The following SAMD12 variants were observed in gnomAD, a reference collection of about 807,000 sequenced individuals.
The protein encoded by SAMD12 is sterile alpha motif domain-containing protein 12.
Under a neutral mutation model 15.0 loss-of-function variants are expected in SAMD12, and 9 were observed. That is an observed-to-expected ratio of 0.60 (90% confidence interval 0.36 to 1.05). The LOEUF is 1.05. Ranked by LOEUF, SAMD12 falls within the 50% of genes least tolerant of loss-of-function variation. SAMD12 has a pLI of 0.01. For missense variants in SAMD12, 230 were observed against 234.2 expected, an observed-to-expected ratio of 0.98 and a Z score of 0.12; for synonymous variants, 86 against 90.1, an observed-to-expected ratio of 0.96 and a Z score of 0.25.
the SAMD12 span, among the ~76,000 whole-genome samples, chr8:118,155,362 T>G: frequency 6.6e-6 from 1 of 152,064 alleles, no homozygotes; most frequent in African/African-American, 2.4e-5. Context: ...ACAGTGTTTT[T>G]GGGGGGGTGG....
chr8:118,167,110 C>T, the SAMD12 span, among the ~76,000 whole-genome samples: 1 of 152,156 alleles, frequency 6.6e-6, no homozygotes, highest in Non-Finnish European at 1.5e-5. Context: ...CAAGGTGAAG[C>T]ATCTTGAACT....
rs1054736723 is a variant in SAMD12, at chr8:118,390,514, G to A, written c.323-10814C>T. On this transcript the variant is annotated intron_variant, in intron 3 of 3. Coordinates refer to ENST00000314727, the MANE Select transcript of SAMD12 (RefSeq NM_207506.3). Reference sequence around the variant, plus strand: ...CCTTCATTTTTCATAACCTAGAGATGCATTGCAAATCCAGCTTAAGTGACC... The same window carrying A: ...CCTTCATTTTTCATAACCTAGAGATACATTGCAAATCCAGCTTAAGTGACC... 3.0e-4 allele frequency among the ~76,000 whole-genome samples: 45 copies of A among 152,208 alleles called. No homozygotes were observed. The Middle Eastern group carries it at 0.01, about 35-fold the overall frequency.
intron 4 of SAMD12, among the ~76,000 whole-genome samples, chr8:118,257,889 C>A (rs1237790708): frequency 6.6e-6 from 1 of 152,072 alleles, no homozygotes; most frequent in South Asian, 2.1e-4. Flanking sequence ...ATGTACAGAG[C>A]CATTTTTAAA....
intron 1 of SAMD12, among the ~76,000 whole-genome samples, chr8:118,607,804 A>G (rs1217304283): frequency 6.6e-6 from 1 of 152,168 alleles, no homozygotes; most frequent in Non-Finnish European, 1.5e-5. Flanking sequence ...CAGCACCTAA[A>G]TCTTCCAGCA....
chr8:118,182,282 A>G, the SAMD12 span, among the ~76,000 whole-genome samples: 1 of 152,348 alleles, frequency 6.6e-6, no homozygotes, highest in Admixed American at 6.5e-5. Flanking sequence ...ATTCTTAGGT[A>G]TTGAAGGCAT....
intron 2 of SAMD12, among the ~76,000 whole-genome samples, chr8:118,534,856 C>G (rs1825793768): frequency 6.6e-6 from 1 of 152,094 alleles, no homozygotes. Context: ...ATGTTTTTTT[C>G]AAGATTTTTA....
At chr8:118,261,307 T>C (rs1300840344) in intron 4 of SAMD12, among the ~76,000 whole-genome samples, 1 of 152,146 alleles carries the variant, frequency 6.6e-6, no homozygotes, top group East Asian at 1.9e-4. Flanking sequence ...ATTCTTCTCC[T>C]GAATTCTTCA....
chr8:118,343,047 A>T (rs1817452971), intron 4 of SAMD12, among the ~76,000 whole-genome samples: 1 of 152,154 alleles, frequency 6.6e-6, no homozygotes, highest in Non-Finnish European at 1.5e-5. Flanking sequence ...GTGAGCTCAC[A>T]GAAGTCATTT....
chr8:118,529,311 C>G (rs1251205853), intron 2 of SAMD12, among the ~76,000 whole-genome samples: 3 of 152,194 alleles, frequency 2.0e-5, no homozygotes, highest in African/African-American at 7.2e-5. Context: ...TGGCCAGCAC[C>G]AGAAATGACT....
intron 2 of SAMD12, among the ~76,000 whole-genome samples, chr8:118,536,404 T>C (rs1825841762): frequency 6.6e-6 from 1 of 151,562 alleles, no homozygotes; most frequent in African/African-American, 2.4e-5. Flanking sequence ...CCTTTCACTT[T>C]ACTATCAGTT....
chr8:118,155,695 C>A, the SAMD12 span, among the ~76,000 whole-genome samples: 1 of 152,156 alleles, frequency 6.6e-6, no homozygotes, highest in Non-Finnish European at 1.5e-5. Context: ...GAGGAGGGTG[C>A]CTATGGCAAA....
chr8:118,558,632 C>T (rs1826614261), intron 2 of SAMD12, among the ~76,000 whole-genome samples: 1 of 152,102 alleles, frequency 6.6e-6, no homozygotes, highest in African/African-American at 2.4e-5. Context: ...GATCCTGGCT[C>T]ACGGCAAGCT....
intron 1 of SAMD12, among the ~76,000 whole-genome samples, chr8:118,607,360 C>T (rs927983371): frequency 6.6e-5 from 10 of 151,980 alleles, no homozygotes; most frequent in Non-Finnish European, 1.3e-4. Context: ...CCCAGCCTCC[C>T]GAGTAGCTGG....
rs5894422 is a variant in SAMD12, at chr8:118,295,041, C to CT, written c.433+84518dup. On this transcript the variant is annotated intron_variant, in intron 4 of 4. Transcript: ENST00000409003. ...CAGTTAGAAAGAAGAAAACAAACTT[C>CT]TTTTTTTTTTACGTGAAAATTGGGA... 4.0e-4 allele frequency among the ~76,000 whole-genome samples: 60 copies of CT among 148,732 alleles called. 1 individual carries two copies. The highest frequency in any genetic ancestry group is 2.4e-3 in the South Asian group (11 of 4,680).
intron 3 of SAMD12, among the ~76,000 whole-genome samples, chr8:118,425,938 T>C (rs4876831): frequency 0.55 from 83,747 of 151,524 alleles, 25,174 homozygotes; most frequent in Non-Finnish European, 0.66. Flanking sequence ...GCCATGTCAC[T>C]GAGCTTTGAA....
intron 2 of SAMD12, among the ~76,000 whole-genome samples, chr8:118,564,430 G>C (rs1449989055): frequency 1.3e-5 from 2 of 152,154 alleles, no homozygotes; most frequent in African/African-American, 2.4e-5. Flanking sequence ...GCATGCCCTA[G>C]AATGTCCTGA....
chr8:118,253,926 T>C (rs1450174570), intron 4 of SAMD12, among the ~76,000 whole-genome samples: 1 of 152,184 alleles, frequency 6.6e-6, no homozygotes, highest in African/African-American at 2.4e-5. Context: ...AGTTTATAAC[T>C]ATCTCTTCTG....
At chr8:118,309,378 A>ATGTGTG (rs1360473888) in intron 4 of SAMD12, among the ~76,000 whole-genome samples, 18 of 118,344 alleles carry the variant, frequency 1.5e-4, no homozygotes, top group Non-Finnish European at 2.5e-4. Context: ...TTTGAGATAT[A>ATGTGTG]TATGTGTGTG....
intron 2 of SAMD12, among the ~76,000 whole-genome samples, chr8:118,487,136 A>C (rs1358598034): frequency 2.6e-5 from 4 of 152,158 alleles, no homozygotes. Flanking sequence ...AAGTGTTCAT[A>C]AAGGACCTAG....
Sources: allele counts gnomAD v4.1 joint callset (sites outside exome capture counted in the v4.1 genomes callset), GRCh38; gene constraint gnomAD v4.1.1; transcripts MANE v1.5; gene names NCBI Gene and HGNC (gene_info 2026-07-23, HGNC 2026-07-21).